PRKCA: variants seen among roughly 807,000 people sequenced by gnomAD.
PRKCA encodes protein kinase C alpha, also known as protein kinase C alpha type.
Under a neutral mutation model 87.0 loss-of-function variants are expected in PRKCA, and 27 were observed. The ratio of observed to expected loss-of-function variants is 0.31; its 90% CI spans 0.23 to 0.43. The LOEUF is 0.43. Among genes scored for constraint, PRKCA ranks in the 20% least tolerant of loss-of-function variants. PRKCA has a pLI of 1.00. For synonymous variants in PRKCA, 329 were observed against 311.1 expected (o/e 1.06, Z -0.61); for missense variants, 518 against 852.3 (o/e 0.61, Z 4.88).
At chr17:66,384,221 G>A (rs752964574) in intron 2 of PRKCA, among the ~76,000 whole-genome samples, 11 of 152,158 alleles carry the variant, frequency 7.2e-5, no homozygotes, top group African/African-American at 1.2e-4. Flanking sequence ...ATGACAGAGA[G>A]CTATAGTGGA....
intron 9 of PRKCA, among the ~76,000 whole-genome samples, chr17:66,734,526 G>C (rs1337992629): frequency 6.6e-6 from 1 of 152,150 alleles, no homozygotes; most frequent in East Asian, 1.9e-4. Context: ...GAGCAATGAG[G>C]GTAGCCAGAG....
chr17:66,741,303 T>A (rs1974154001), intron 11 of PRKCA, among the ~76,000 whole-genome samples: 1 of 152,126 alleles, frequency 6.6e-6, no homozygotes, highest in Admixed American at 6.5e-5. Flanking sequence ...TGCCAGTGAA[T>A]AGGAAAATGG....
intron 2 of PRKCA, among the ~76,000 whole-genome samples, chr17:66,425,804 G>A (rs1326725943): frequency 2.0e-5 from 3 of 152,116 alleles, no homozygotes; most frequent in South Asian, 2.1e-4. Flanking sequence ...CAATGCAAAC[G>A]GCATTAAATT....
chr17:66,644,730 G>A (rs1171337262), intron 4 of PRKCA, among the ~76,000 whole-genome samples: 1 of 152,082 alleles, frequency 6.6e-6, no homozygotes, highest in Non-Finnish European at 1.5e-5. Flanking sequence ...AAGGTTAGCT[G>A]AGGAAAGGAA....
At chr17:66,479,016 T>C (rs1318637425) in intron 2 of PRKCA, among the ~76,000 whole-genome samples, 2 of 152,112 alleles carry the variant, frequency 1.3e-5, no homozygotes, top group African/African-American at 4.8e-5. Flanking sequence ...AAAGCAAAAA[T>C]TGACAAATGG....
intron 3 of PRKCA, among the ~76,000 whole-genome samples, chr17:66,586,527 T>G (rs939060528): frequency 6.6e-6 from 1 of 152,192 alleles, no homozygotes; most frequent in African/African-American, 2.4e-5. Context: ...CTCCATCCTT[T>G]CAACCTTGGA....
chr17:66,717,437 G>A (rs868044515), intron 8 of PRKCA, among the ~76,000 whole-genome samples: 1 of 152,196 alleles, frequency 6.6e-6, no homozygotes, highest in Admixed American at 6.5e-5. Flanking sequence ...CTGGAGTTCT[G>A]GATTCAGAGC....
At chr17:66,360,423 C>T (rs2143475353) in intron 2 of PRKCA, among the ~76,000 whole-genome samples, 1 of 152,318 alleles carries the variant, frequency 6.6e-6, no homozygotes, top group Non-Finnish European at 1.5e-5. Context: ...TTCTCATAGG[C>T]ATTGCCACAG....
intron 3 of PRKCA, 63 bp downstream of exon 3, chr17:66,496,346 C>A (rs1345076858): frequency 1.4e-6 from 2 of 1,392,338 alleles, no homozygotes; most frequent in Non-Finnish European, 2.0e-6. Context: ...ATTTTTTTAA[C>A]GCCTGTGCAA....
chr17:66,400,252 G>A (rs950708440), intron 2 of PRKCA, among the ~76,000 whole-genome samples: 5 of 152,156 alleles, frequency 3.3e-5, no homozygotes, highest in African/African-American at 1.2e-4. Context: ...CATGGGTTCA[G>A]GCAATTCTCG....
intron 3 of PRKCA, among the ~76,000 whole-genome samples, chr17:66,590,523 G>A (rs894774146): frequency 2.0e-5 from 3 of 152,130 alleles, no homozygotes; most frequent in Non-Finnish European, 2.9e-5. Flanking sequence ...GCACGAGGGC[G>A]TCTGATGAAT....
chr17:66,514,878 T>G (rs1442816940), intron 3 of PRKCA, among the ~76,000 whole-genome samples: 1 of 152,134 alleles, frequency 6.6e-6, no homozygotes, highest in Non-Finnish European at 1.5e-5. Context: ...AATGTTAGGT[T>G]TCTGGTTTAT....
At chr17:66,484,823 C>G (rs1915928887) in intron 2 of PRKCA, among the ~76,000 whole-genome samples, 1 of 152,116 alleles carries the variant, frequency 6.6e-6, no homozygotes, top group African/African-American at 2.4e-5. Context: ...TTGCAGATAT[C>G]CTGTTATTTC....
At chr17:66,570,036 C>G (rs541378354) in intron 3 of PRKCA, among the ~76,000 whole-genome samples, 3 of 152,286 alleles carry the variant, frequency 2.0e-5, no homozygotes, top group Non-Finnish European at 4.4e-5. Context: ...TTTGTATAAT[C>G]CTATCATGGG....
chr17:66,641,764 T>C (rs1235728949), intron 4 of PRKCA, among the ~76,000 whole-genome samples: 4 of 151,540 alleles, frequency 2.6e-5, no homozygotes, highest in Non-Finnish European at 4.4e-5. Flanking sequence ...CTGTAAAATA[T>C]AGCCTAGTCA....
intron 15 of PRKCA, among the ~76,000 whole-genome samples, chr17:66,788,636 A>G (rs1354683216): frequency 6.6e-6 from 1 of 152,082 alleles, no homozygotes; most frequent in Non-Finnish European, 1.5e-5. Flanking sequence ...GAAAACCACC[A>G]TAGGAAGGGC....
intron 3 of PRKCA, among the ~76,000 whole-genome samples, chr17:66,613,323 A>G (rs1373014196): frequency 6.6e-6 from 1 of 152,192 alleles, no homozygotes. Context: ...CCGTCTACAC[A>G]AGAGAGATGG....
At chr17:66,755,053 G>A (rs1352293833) in intron 13 of PRKCA, among the ~76,000 whole-genome samples, 2 of 152,034 alleles carry the variant, frequency 1.3e-5, no homozygotes, top group African/African-American at 2.4e-5. Context: ...AGACCCAGTC[G>A]CTCCACAGTC....
intron 5 of PRKCA, among the ~76,000 whole-genome samples, chr17:66,676,112 G>A (rs1000307028): frequency 6.6e-6 from 1 of 152,250 alleles, no homozygotes; most frequent in Middle Eastern, 3.4e-3. Context: ...TTGTGGCGAC[G>A]TGAGGGAACT....
Sources: gnomAD v4.1 joint callset for allele counts (sites outside exome capture counted in the v4.1 genomes callset) on GRCh38, gnomAD v4.1.1 for gene constraint, MANE v1.5 for transcripts, NCBI Gene and HGNC (gene_info 2026-07-23, HGNC 2026-07-21) for gene names.